The following PCLO variants were observed in gnomAD, a reference collection of about 807,000 sequenced individuals.
PCLO encodes the protein protein piccolo.
In PCLO, 82 loss-of-function variants were observed where a neutral mutation model predicts 427.5. That is an observed-to-expected ratio of 0.19 (90% CI 0.16 to 0.23). PCLO has a LOEUF of 0.23. Among genes scored for constraint, PCLO ranks in the 10% least tolerant of loss-of-function variants. The probability of loss-of-function intolerance (pLI) is 1.00; values close to 1 mark genes in which losing one functional copy is unlikely to be tolerated. For synonymous variants in PCLO, 2,357 were observed against 2,155.4 expected, an observed-to-expected ratio of 1.09 and a Z score of -2.59; for missense variants, 6,239 against 6,115.9, an observed-to-expected ratio of 1.02 and a Z score of -0.67.
intron 3 of PCLO, among the ~76,000 whole-genome samples, chr7:83,038,839 A>C (rs1259323376): frequency 6.6e-6 from 1 of 151,994 alleles, no homozygotes; most frequent in Non-Finnish European, 1.5e-5. Context: ...ATTTATATTC[A>C]CACCAGCTGT....
chr7:82,988,848 C>A (rs1433261584), intron 3 of PCLO, among the ~76,000 whole-genome samples: 1 of 146,586 alleles, frequency 6.8e-6, no homozygotes, highest in Non-Finnish European at 1.5e-5. Flanking sequence ...TATTTTTTTT[C>A]TTTGAGACGG....
At position 82,978,854 on chromosome 7, in the gene PCLO, ACAAAC is replaced by A. The variant is rs1562896047; in HGVS notation, c.3301-12372_3301-12368del. Among the ~76,000 whole-genome samples, 622 of 100,130 alleles carry A rather than the reference ACAAAC, an allele frequency of 6.2e-3. 4 individuals are homozygous for A. Among genetic ancestry groups the A allele is most frequent in the African/African-American group, 0.02 (592 of 29,718 alleles). 65.7% of individuals were successfully genotyped at this position (100,130 alleles called of 152,430 possible). The stretch of plus-strand genomic sequence containing the variant: ...ACAAGAAACACACACACACACACAC[ACAAAC>A]ACACACACACACACACACACACACA... On this transcript the variant is annotated intron_variant, in intron 3 of 24. Transcript: ENST00000333891.
In PCLO at chr7:82,952,140, G is replaced by A. The variant is rs1795367031; in HGVS notation, c.8813C>T (p.Ala2938Val). 1 of 1,611,432 alleles carries A rather than the reference G, an allele frequency of 6.2e-7. No homozygotes were observed. The highest frequency in any genetic ancestry group is 8.5e-7 in the Non-Finnish European group (1 of 1,179,508). Residue 2938 changes from alanine to valine, a missense_variant, in exon 5 of 25, where the codon GCT becomes GTT. Transcript: ENST00000333891. ...KPVDLTAGRRAVCCDVVYKLP... is the reference protein window; with the variant it reads ...KPVDLTAGRRVVCCDVVYKLP... ...TTTATAAACCACATCACAGCACACA[G>A]CTCTTCTCCCTGCGGTTAAATCAAC...
intron 20 of PCLO, among the ~76,000 whole-genome samples, chr7:82,811,393 C>T (rs916190989): frequency 2.6e-5 from 4 of 151,446 alleles, no homozygotes; most frequent in African/African-American, 9.7e-5. Flanking sequence ...CTGTCTCTGT[C>T]ATCTACCTGT....
At chr7:82,786,981 A>G (rs1790998131) in intron 22 of PCLO, among the ~76,000 whole-genome samples, 1 of 151,918 alleles carries the variant, frequency 6.6e-6, no homozygotes, top group Admixed American at 6.6e-5. Context: ...TTCTTTATCC[A>G]GTCTATCACT....
Position 83,156,165 on chromosome 7 carries a change from T to C in PCLO, c.476A>G (p.Glu159Gly). The C allele has an allele frequency of 6.2e-7, 1 of 1,613,794 alleles. No individual in the cohort carries two copies. Among genetic ancestry groups the C allele is most frequent in the Non-Finnish European group, 8.5e-7 (1 of 1,179,764 alleles). Reference sequence around the variant, plus strand: ...GGAAACAGCACTTAAAGCGTTAACCTCTGAGAGGAAGCCAGGCATCATACT... The same window carrying C: ...GGAAACAGCACTTAAAGCGTTAACCCCTGAGAGGAAGCCAGGCATCATACT... Reference protein sequence around the residue: ...KSSMMPGFLSEVNALSAVSSV... With the variant: ...KSSMMPGFLSGVNALSAVSSV... Residue 159 changes from glutamate (E) to glycine (G), a missense_variant, in exon 2 of 25, where the codon GAG becomes GGG. Around this residue, in one of 5 missense-constraint regions of PCLO, gnomAD observed 4,677 missense variants for 4,468.4 expected, o/e 1.05. Transcript: ENST00000333891.
At position 83,057,079 on chromosome 7, in the gene PCLO, A is replaced by G. The variant is rs1031858673; in HGVS notation, c.3300+77171T>C. The stretch of plus-strand genomic sequence containing the variant: ...CTACTTTAAAAATGCTTTTTCTTTA[A>G]CCATATATATATATATTTTTTTGAG... On this transcript the variant is annotated intron_variant, in intron 3 of 24. Transcript: ENST00000333891. Among the ~76,000 whole-genome samples the G allele has an allele frequency of 5.9e-4, 88 of 150,400 alleles. 1 individual carries two copies. Among genetic ancestry groups the G allele is most frequent in the Non-Finnish European group, 1.2e-4 (8 of 67,672 alleles).
intron 10 of PCLO, among the ~76,000 whole-genome samples, chr7:82,864,094 T>C (rs1793032984): frequency 6.6e-6 from 1 of 152,104 alleles, no homozygotes; most frequent in Non-Finnish European, 1.5e-5. Flanking sequence ...TATTTTGGTA[T>C]TATAAAGGTT....
intron 2 of PCLO, among the ~76,000 whole-genome samples, chr7:83,148,271 T>C (rs973748336): frequency 2.0e-5 from 3 of 152,154 alleles, no homozygotes; most frequent in Admixed American, 2.0e-4. Context: ...AATCACCCAA[T>C]AGAAGGGAGT....
chr7:82,768,619 C>T (rs1790583378), intron 22 of PCLO, among the ~76,000 whole-genome samples: 1 of 151,618 alleles, frequency 6.6e-6, no homozygotes, highest in African/African-American at 2.4e-5. Flanking sequence ...TATTTTAATT[C>T]TACTTTAACA....
At chr7:83,057,328 ATATATATATATATATATATATT>A (rs1789409181) in intron 3 of PCLO, among the ~76,000 whole-genome samples, 1 of 13,498 alleles carries the variant, frequency 7.4e-5, no homozygotes, top group Non-Finnish European at 1.5e-4. Context: ...ATATATATAT[ATATATATATATATATATATATT>A]TTTTTTTTTT....
At chr7:83,087,329 T>C (rs1033403670) in intron 3 of PCLO, among the ~76,000 whole-genome samples, 3 of 151,986 alleles carry the variant, frequency 2.0e-5, no homozygotes, top group Non-Finnish European at 2.9e-5. Context: ...GGGCGACAGA[T>C]TAAAAACTGC....
chr7:83,146,746 G>A, intron 2 of PCLO, among the ~76,000 whole-genome samples: 1 of 151,874 alleles, frequency 6.6e-6, no homozygotes, highest in Non-Finnish European at 1.5e-5. Flanking sequence ...GATTACAGGT[G>A]CCCACCACCA....
chr7:82,994,380 G>T (rs1796446160), intron 3 of PCLO, among the ~76,000 whole-genome samples: 1 of 151,798 alleles, frequency 6.6e-6, no homozygotes, highest in African/African-American at 2.4e-5. Context: ...ATTCAGGAAA[G>T]GAAAGTCTTC....
chr7:82,933,264 C>A (rs376720549), intron 6 of PCLO, among the ~76,000 whole-genome samples: 1 of 152,008 alleles, frequency 6.6e-6, no homozygotes, highest in Non-Finnish European at 1.5e-5. Context: ...CAAAGGAACA[C>A]CTCCTTGTTG....
chr7:82,929,420 A>G (rs1386637452), intron 6 of PCLO, among the ~76,000 whole-genome samples: 1 of 152,170 alleles, frequency 6.6e-6, no homozygotes, highest in Non-Finnish European at 1.5e-5. Context: ...ATGTTTGCCT[A>G]ATGTTATTGC....
At chr7:82,811,948 AAT>A (rs1481520759) in intron 20 of PCLO, among the ~76,000 whole-genome samples, 1 of 138,958 alleles carries the variant, frequency 7.2e-6, no homozygotes, top group Non-Finnish European at 1.7e-5. Flanking sequence ...ATATGTAAAC[AAT>A]ATATCTATTA....
intron 3 of PCLO, among the ~76,000 whole-genome samples, chr7:83,005,416 T>C (rs1006892182): frequency 2.0e-5 from 3 of 151,450 alleles, no homozygotes; most frequent in African/African-American, 4.8e-5. Flanking sequence ...GGGCTGGAAG[T>C]TGAAAAAGAT....
intron 3 of PCLO, among the ~76,000 whole-genome samples, chr7:82,996,933 A>C (rs1787632534): frequency 6.6e-6 from 1 of 152,016 alleles, no homozygotes; most frequent in South Asian, 2.1e-4. Context: ...GCCTCTGTGA[A>C]AAATTTATAA....
Sources: allele counts gnomAD v4.1 joint callset (sites outside exome capture counted in the v4.1 genomes callset), GRCh38; gene constraint gnomAD v4.1.1; regional missense constraint gnomAD v4.1.1; transcripts MANE v1.5; gene names NCBI Gene and HGNC (gene_info 2026-07-23, HGNC 2026-07-21).